The following CLEC3B variants were observed in gnomAD, a reference collection of about 807,000 sequenced individuals.
CLEC3B encodes the protein C-type lectin domain family 3 member B.
A neutral mutation model predicts 15.4 loss-of-function variants in CLEC3B; 13 were observed. The observed-to-expected ratio is 0.84, with a 90% CI of 0.55 to 1.34. The LOEUF (loss-of-function observed/expected upper bound fraction) is 1.34, where lower values mean the gene tolerates loss of function less well. Among genes scored for constraint, CLEC3B ranks in the 40% most tolerant of loss-of-function variants. The probability of loss-of-function intolerance (pLI) is 0.00; values close to 1 mark genes in which losing one functional copy is unlikely to be tolerated. For synonymous variants in CLEC3B, 112 were observed against 114.7 expected (o/e 0.98, Z 0.15); for missense variants, 242 against 268.6 (o/e 0.90, Z 0.69).
At chr3:45,033,104 G>A (rs1697587353) in intron 2 of CLEC3B, among the ~76,000 whole-genome samples, 2 of 152,202 alleles carry the variant, frequency 1.3e-5, no homozygotes, top group Non-Finnish European at 2.9e-5. Context: ...CAGCGGGTAT[G>A]TTTAGAATGA....
At position 45,030,995 on chromosome 3, in the gene CLEC3B, G is replaced by A. The variant is rs558690149; in HGVS notation, c.208+70G>A. The A allele has an allele frequency of 6.5e-5, 70 of 1,079,734 alleles. No homozygotes were observed. In the East Asian group the frequency reaches 1.7e-3, roughly 27 times the overall value. 66.9% of individuals were successfully genotyped at this position (1,079,734 alleles called of 1,614,324 possible). ...AGGGCCCAGGCCAGCAGCCAGCAAT[G>A]CTCTTCTCGCCTCCGTTCAGCATCA... On this transcript the variant is annotated intron_variant, in intron 2 of 2. Transcript: ENST00000296130.
chr3:45,028,972 G>A (rs531470427), intron 1 of CLEC3B, among the ~76,000 whole-genome samples: 22 of 152,336 alleles, frequency 1.4e-4, no homozygotes, highest in African/African-American at 3.6e-4. Context: ...GGGAAGCTCC[G>A]GAGGGAAGGA....
At position 45,035,813 on chromosome 3, in the gene CLEC3B, T is replaced by A; in HGVS notation, c.498T>A (p.Asp166Glu). The A allele has an allele frequency of 6.2e-7, 1 of 1,613,382 alleles. No homozygotes were observed. Among genetic ancestry groups the A allele is most frequent in the Non-Finnish European group, 8.5e-7 (1 of 1,179,954 alleles). Residue 166 changes from aspartate to glutamate, a missense_variant, in exon 3 of 3, where the codon GAT becomes GAA. Coordinates refer to ENST00000296130, the MANE Select transcript of CLEC3B (RefSeq NM_003278.3). ...AGACTGAGATCACCGCGCAACCCGA[T>A]GGCGGCAAGACCGAGAACTGCGCGG... ...NWETEITAQPDGGKTENCAVL... is the reference protein window; with the variant it reads ...NWETEITAQPEGGKTENCAVL...
At chr3:45,033,940 G>A (rs377678126) in intron 2 of CLEC3B, among the ~76,000 whole-genome samples, 22 of 151,718 alleles carry the variant, frequency 1.5e-4, no homozygotes, top group African/African-American at 4.8e-4. Context: ...AGGAGAAGTC[G>A]AGCTGTACTG....
intron 2 of CLEC3B, among the ~76,000 whole-genome samples, 187 bp from the exon 3 acceptor site, chr3:45,035,337 G>T (rs1697622512): frequency 6.6e-6 from 1 of 152,108 alleles, no homozygotes; most frequent in Non-Finnish European, 1.5e-5. Context: ...GTACATTAGT[G>T]GCCACCACAG....
In CLEC3B at chr3:45,030,921, G is replaced by A. The variant is rs1309551422; in HGVS notation, c.204G>A (p.Gln68=). The A allele has an allele frequency of 6.4e-7, 1 of 1,569,528 alleles. No individual in the cohort carries two copies. Among genetic ancestry groups the A allele is most frequent in the South Asian group, 1.2e-5 (1 of 85,448 alleles). ...TGCTGAAGGAGCAGCAGGCCCTGCA[G>A]ACGGGTGAGTGCAGGCAGTAGCCTC... ...VALLKEQQAL[Q]TVCLKGTKVH... The change falls in exon 2 of 3, where the codon CAG becomes CAA. Residue 68 remains glutamine, a synonymous_variant. Coordinates refer to ENST00000296130, the MANE Select transcript of CLEC3B (RefSeq NM_003278.3).
At chr3:45,035,126 G>T (rs1697619257) in intron 2 of CLEC3B, among the ~76,000 whole-genome samples, 1 of 152,236 alleles carries the variant, frequency 6.6e-6, no homozygotes, top group Non-Finnish European at 1.5e-5. Flanking sequence ...GAGGAAGTGG[G>T]CAGAGGGAGA....
intron 2 of CLEC3B, among the ~76,000 whole-genome samples, chr3:45,034,201 T>C (rs1373002811): frequency 1.3e-5 from 2 of 152,090 alleles, no homozygotes; most frequent in African/African-American, 4.8e-5. Flanking sequence ...CCAACAAAAG[T>C]CTAGGTAGCA....
rs562246387 is a variant in CLEC3B at position 45,026,352 on chromosome 3, C to T, written c.-11C>T. ...GCTGCAGGCAGCAGCAGCCCCCGCC[C>T]GCGCAGCAGCATGGAGCTCTGGGGG... On this transcript the variant is annotated 5_prime_UTR_variant, in exon 1 of 3. Transcript: ENST00000296130. 214 of 1,611,206 alleles carry T rather than the reference C, an allele frequency of 1.3e-4. 1 individual carries two copies. In the South Asian group the frequency reaches 1.9e-3, roughly 14 times the overall value.
At chr3:45,028,326 TG>T (rs1329965394) in intron 1 of CLEC3B, among the ~76,000 whole-genome samples, 1 of 151,984 alleles carries the variant, frequency 6.6e-6, no homozygotes, top group African/African-American at 2.4e-5. Context: ...GAGGCCAAGG[TG>T]GGAGGATCGC....
intron 1 of CLEC3B, among the ~76,000 whole-genome samples, chr3:45,029,700 C>T (rs1697528646): frequency 6.6e-6 from 1 of 152,170 alleles, no homozygotes; most frequent in African/African-American, 2.4e-5. Context: ...TAAAGTGTTT[C>T]CCCACCCACT....
chr3:45,035,592 G>C lies in CLEC3B; in HGVS notation c.277G>C (p.Glu93Gln). 2 of 1,614,042 alleles carry C rather than the reference G, an allele frequency of 1.2e-6. No homozygotes were observed. Among genetic ancestry groups the C allele is most frequent in the Non-Finnish European group, 8.5e-7 (1 of 1,179,988 alleles). Reference sequence around the variant, plus strand: ...CTTCACCCAGACGAAGACCTTCCACGAGGCCAGCGAGGACTGCATCTCGCG... The same window carrying C: ...CTTCACCCAGACGAAGACCTTCCACCAGGCCAGCGAGGACTGCATCTCGCG... ...LAFTQTKTFH[E>Q]ASEDCISRGG... Residue 93 changes from glutamate (E) to glutamine (Q), a missense_variant, in exon 3 of 3, where the codon GAG (glutamate) becomes CAG (glutamine). Physicochemically the swap from Glu to Gln is conservative, Grantham distance 29. Transcript: ENST00000296130.
In CLEC3B at chr3:45,036,009, A is replaced by C; in HGVS notation, c.*85A>C. 1 of 1,383,484 alleles carries C rather than the reference A, an allele frequency of 7.2e-7. No homozygotes were observed. Among genetic ancestry groups the C allele is most frequent in the South Asian group, 1.4e-5 (1 of 69,312 alleles). The allele number at this position is 1,383,484 out of a possible 1,614,324, so 85.7% of individuals were successfully genotyped here. A position where few individuals can be genotyped will look rare whatever the true frequency, so the allele number is the denominator to read the frequency against. The stretch of plus-strand genomic sequence containing the variant: ...GGAGGGTGGGGACCTTGCAGCCCCC[A>C]TCCTCTCCGTGCGCTTGGAGCCTCT... On this transcript the variant is annotated 3_prime_UTR_variant, in exon 3 of 3. Transcript: ENST00000296130.
At chr3:45,031,094 G>T (rs745369005) in intron 2 of CLEC3B, among the ~76,000 whole-genome samples, 169 bp downstream of exon 2, 4 of 152,212 alleles carry the variant, frequency 2.6e-5, no homozygotes, top group Non-Finnish European at 4.4e-5. Context: ...TTTCTCTTGG[G>T]GAGATCCCCT....
chr3:45,027,536 G>A (rs923816527), intron 1 of CLEC3B, among the ~76,000 whole-genome samples: 2 of 152,198 alleles, frequency 1.3e-5, no homozygotes, highest in Admixed American at 1.3e-4. Flanking sequence ...CTTTGAAAAA[G>A]GGATTTATAT....
Position 45,036,033 on chromosome 3 carries a change from C to CT in CLEC3B, c.*114dup. On this transcript the variant is annotated 3_prime_UTR_variant, in exon 3 of 3. Coordinates refer to ENST00000296130, the MANE Select transcript of CLEC3B (RefSeq NM_003278.3). ...CATCCTCTCCGTGCGCTTGGAGCCT[C>CT]TTTTTGCAAATAAAGTTGGTGCAGC... The CT allele has an allele frequency of 7.9e-7, 1 of 1,272,256 alleles. No individual in the cohort carries two copies. Among genetic ancestry groups the CT allele is most frequent in the Non-Finnish European group, 1.1e-6 (1 of 949,844 alleles). 78.8% of individuals were successfully genotyped at this position (1,272,256 alleles called of 1,614,324 possible).
At chr3:45,028,547 GAGACTCCGTC>G (rs1286317956) in intron 1 of CLEC3B, among the ~76,000 whole-genome samples, 1 of 152,160 alleles carries the variant, frequency 6.6e-6, no homozygotes, top group Non-Finnish European at 1.5e-5. Context: ...CAGAGTAAGT[GAGACTCCGTC>G]TCAAAAATAA....
intron 2 of CLEC3B, among the ~76,000 whole-genome samples, chr3:45,032,774 A>C (rs918792257): frequency 6.6e-6 from 1 of 152,242 alleles, no homozygotes; most frequent in Non-Finnish European, 1.5e-5. Context: ...GAAACCTATC[A>C]GTGGCTTAAA....
At chr3:45,031,089 C>T (rs1016314052) in intron 2 of CLEC3B, among the ~76,000 whole-genome samples, 164 bp downstream of exon 2, 6 of 152,252 alleles carry the variant, frequency 3.9e-5, no homozygotes, top group African/African-American at 1.4e-4. Flanking sequence ...ACCTCTTTCT[C>T]TTGGGGAGAT....
Sources: gnomAD v4.1 joint callset for allele counts (sites outside exome capture counted in the v4.1 genomes callset) on GRCh38, gnomAD v4.1.1 for gene constraint, MANE v1.5 for transcripts, NCBI Gene and HGNC (gene_info 2026-07-23, HGNC 2026-07-21) for gene names.